Variants in ATP8B3 observed in about 807,000 individuals in gnomAD.
ATP8B3 encodes phospholipid-transporting ATPase IK.
A neutral mutation model predicts 140.9 loss-of-function variants in ATP8B3; 141 were observed. The observed-to-expected ratio is 1.00, with a 90% CI of 0.87 to 1.15. The LOEUF (loss-of-function observed/expected upper bound fraction) is 1.15. Among genes scored for constraint, ATP8B3 ranks in the 50% most tolerant of loss-of-function variants. The probability of loss-of-function intolerance (pLI) is 0.00; values close to 1 mark genes in which losing one functional copy is unlikely to be tolerated. For synonymous variants in ATP8B3, 765 were observed against 714.6 expected, an observed-to-expected ratio of 1.07 and a Z score of -1.13; for missense variants, 1,874 against 1,740.6, an observed-to-expected ratio of 1.08 and a Z score of -1.36.
intron 3 of ATP8B3, among the ~76,000 whole-genome samples, 191 bp from the exon 4 acceptor site, chr19:1,809,925 C>T (rs1184748824): frequency 2.0e-5 from 3 of 152,194 alleles, no homozygotes; most frequent in Admixed American, 1.3e-4. Flanking sequence ...CCATAGTTGG[C>T]GCCGGCACAA....
chr19:1,795,784 TACACACAC>T (rs10526864), intron 18 of ATP8B3, 83 bp downstream of exon 18: 42,517 of 886,984 alleles, frequency 0.048, 272 homozygotes, highest in South Asian at 0.058. Context: ...CTCCTGTCCC[TACACACAC>T]ACACACACAC....
chr19:1,807,226 C>T lies in ATP8B3; in HGVS notation c.557G>A (p.Ser186Asn), dbSNP rs1237590442. The stretch of plus-strand genomic sequence containing the variant: ...GAAGAGGAGGCAGACCATAGGGGTA[C>T]TGAGCGAGAACCAGGGCAGCGTGGA... ...DISTLPWFSL[S>N]TPMVCLLFIR... The change falls in exon 6 of 29, where the codon AGT becomes AAT. Residue 186 changes from serine (S) to asparagine (N), a missense_variant. Coordinates refer to ENST00000310127, the MANE Select transcript of ATP8B3 (RefSeq NM_138813.4). This position sits in a 1 kb window ranked among gnomAD's most constrained non-coding sequence, Gnocchi z 5.9. 2 of 1,612,992 alleles carry T rather than the reference C, an allele frequency of 1.2e-6. No homozygotes were observed. Among genetic ancestry groups the T allele is most frequent in the African/African-American group, 1.3e-5 (1 of 74,958 alleles).
Position 1,808,326 on chromosome 19 carries a change from T to C in ATP8B3, c.412A>G (p.Ile138Val). 6.2e-7 allele frequency: 1 copy of C among 1,612,032 alleles called. No individual in the cohort carries two copies. ...TAGAAGTTGTACTTGGCCGTGCGGATGACATTGGTCTGGAACGAGAGCCGC... is the reference window on the plus strand; with the variant it reads ...TAGAAGTTGTACTTGGCCGTGCGGACGACATTGGTCTGGAACGAGAGCCGC... ...WQRKKYKTNVIRTAKYNFYSF... is the reference protein window; with the variant it reads ...WQRKKYKTNVVRTAKYNFYSF... The change falls in exon 5 of 29, where the codon ATC (isoleucine) becomes GTC (valine). Residue 138 changes from isoleucine to valine, a missense_variant. By Grantham distance (29) the Ile-to-Val change is conservative. Coordinates refer to ENST00000310127, the MANE Select transcript of ATP8B3 (RefSeq NM_138813.4).
Position 1,808,238 on chromosome 19 carries a change from A to G in ATP8B3, c.500T>C (p.Ile167Thr). The change falls in exon 5 of 29, where the codon ATC (isoleucine) becomes ACC (threonine). Residue 167 changes from isoleucine to threonine, a missense_variant. Ile to Thr is a moderately conservative substitution (Grantham distance 89). Coordinates refer to ENST00000310127, the MANE Select transcript of ATP8B3 (RefSeq NM_138813.4). ...FHRVSNLFFL[I>T]IIILQSIPDI... ...ACGCCTCACCTGCAGGATGATGATG[A>G]TGAGGAAGAACAGGTTGGACACGCG... is the stretch of plus-strand genomic sequence containing the variant. The G allele has an allele frequency of 6.2e-7, 1 of 1,611,762 alleles. No individual in the cohort carries two copies. Among genetic ancestry groups the G allele is most frequent in the Non-Finnish European group, 8.5e-7 (1 of 1,178,618 alleles).
At chr19:1,790,694 TG>T in intron 21 of ATP8B3, 62 bp downstream of exon 21, 1 of 1,000,978 alleles carries the variant, frequency 1.0e-6, no homozygotes. Flanking sequence ...GACACGCACC[TG>T]GGTGCTCCTT....
chr19:1,785,228 C>A lies in ATP8B3; in HGVS notation c.3463G>T (p.Ala1155Ser). The A allele has an allele frequency of 1.9e-6, 3 of 1,608,144 alleles. No homozygotes were observed. The highest frequency in any genetic ancestry group is 3.4e-5 in the Admixed American group (2 of 59,020). Residue 1155 changes from alanine (A) to serine (S), a missense_variant, in exon 27 of 29, where the codon GCC becomes TCC. Ala to Ser is a moderately conservative substitution (Grantham distance 99). Coordinates refer to ENST00000310127, the MANE Select transcript of ATP8B3 (RefSeq NM_138813.4). The stretch of plus-strand genomic sequence containing the variant: ...CTCTGGGTGGTGGTAGTCATGATGG[C>A]GTAGAAACCAAGGCTGAGGAGGATG... ...ATILLSLGFY[A>S]IMTTTTQSFW...
intron 14 of ATP8B3, 92 bp downstream of exon 14, chr19:1,799,855 G>T: frequency 7.8e-7 from 1 of 1,279,288 alleles, no homozygotes; most frequent in Non-Finnish European, 1.1e-6. Context: ...GGAGGTGCTG[G>T]GCATGGGGCC....
intron 5 of ATP8B3, 31 bp downstream of exon 5, chr19:1,808,191 G>T: frequency 6.5e-7 from 1 of 1,543,704 alleles, no homozygotes; most frequent in Non-Finnish European, 8.9e-7. Flanking sequence ...GTGGCTAGGG[G>T]GGACTTCCTG....
At chr19:1,784,029 G>A (rs7247100) in intron 28 of ATP8B3, among the ~76,000 whole-genome samples, 11,975 of 152,170 alleles carry the variant, frequency 0.079, 687 homozygotes, top group African/African-American at 0.16. Context: ...GTGCATCCAC[G>A]CTGTGGCCTG....
At chr19:1,784,755 A>G in intron 28 of ATP8B3, 64 bp downstream of exon 28, 1 of 1,516,026 alleles carries the variant, frequency 6.6e-7, no homozygotes, top group Non-Finnish European at 8.8e-7. Flanking sequence ...TACGCCCTGC[A>G]CGGCTCCCCA....
In ATP8B3 at chr19:1,789,025, G is replaced by A. The variant is rs1372281910; in HGVS notation, c.2941C>T (p.Leu981Phe). 3 of 1,609,462 alleles carry A rather than the reference G, an allele frequency of 1.9e-6. No homozygotes were observed. The highest frequency in any genetic ancestry group is 1.3e-5 in the African/African-American group (1 of 74,996). The change falls in exon 24 of 29, where the codon CTC (leucine) becomes TTC (phenylalanine). Residue 981 changes from leucine (L) to phenylalanine (F), a missense_variant. This residue lies in a region of ATP8B3 where 840 missense variants were observed against 760.9 expected (regional missense o/e 1.10). Transcript: ENST00000310127. ...GACCAGCGGCCGTGCACCAGCAGGA[G>A]GCGCTGCAGGAAGCAGAACTGGCCG... ...VLGQFCFLQR[L>F]LLVHGRWSYV...
In ATP8B3 at chr19:1,792,075, T is replaced by G; in HGVS notation, c.2116A>C (p.Ile706Leu). ...TGGCGCTGCTGCCAGTCCTCGTAAA[T>G]GTCCTCAGCCACCTCCCTGTAGGCC... ...CLAYREVAEDIYEDWQQRHQE... is the reference protein window; with the variant it reads ...CLAYREVAEDLYEDWQQRHQE... Residue 706 changes from isoleucine to leucine, a missense_variant, in exon 19 of 29, where the codon ATT becomes CTT. This residue lies in a region of ATP8B3 where 1,032 missense variants were observed against 963.6 expected (regional missense o/e 1.07). Coordinates refer to ENST00000310127, the MANE Select transcript of ATP8B3 (RefSeq NM_138813.4). The G allele has an allele frequency of 6.4e-7, 1 of 1,568,506 alleles. No individual in the cohort carries two copies. Among genetic ancestry groups the G allele is most frequent in the Non-Finnish European group, 8.6e-7 (1 of 1,159,118 alleles).
In ATP8B3 at chr19:1,805,339, T is replaced by G. The variant is rs1277747668; in HGVS notation, c.904+35A>C. ...ACCCTAACTTTTAACTTTTACAGAT[T>G]CGAGGGACGTGACTCCCTGCTCAAC... On this transcript the variant is annotated intron_variant, in intron 10 of 28. Transcript: ENST00000310127. The surrounding 1 kb of genome is among the most constrained non-coding windows in gnomAD (Gnocchi z 5.2). 2.6e-6 allele frequency: 4 copies of G among 1,513,760 alleles called. No homozygotes were observed. The Admixed American group carries it at 5.9e-5, about 22-fold the overall frequency. The allele number at this position is 1,513,760 out of a possible 1,614,324, so 93.8% of individuals were successfully genotyped here. A position where few individuals can be genotyped will look rare whatever the true frequency, so the allele number is the denominator to read the frequency against.
chr19:1,803,451 G>C (rs985509048), intron 10 of ATP8B3, among the ~76,000 whole-genome samples: 1 of 152,238 alleles, frequency 6.6e-6, no homozygotes, highest in African/African-American at 2.4e-5. Flanking sequence ...CTGAACCTCA[G>C]TGTCTTCCTC....
rs775574013 is a variant in ATP8B3 at position 1,789,582 on chromosome 19, AG to A, written c.2623del (p.Leu875SerfsTer40). 6.3e-7 allele frequency: 1 copy of A among 1,593,508 alleles called. No individual in the cohort carries two copies. Among genetic ancestry groups the A allele is most frequent in the Admixed American group, 1.7e-5 (1 of 58,578 alleles). On this transcript the variant is annotated frameshift_variant, in exon 23 of 29. Transcript: ENST00000310127. LOFTEE classifies it high-confidence loss of function. ...RLSLLCRRFG[L>X]PLAAPPAQDS... ...CTGGGCTGGCGGTGCAGCCAGCGGG[AG>A]CCCGAACCTCCGGCACAGCAGGGAC...
rs1348373183 is a variant in ATP8B3 at position 1,811,904 on chromosome 19, C to A, written c.-148-20G>T. 2.7e-6 allele frequency: 2 copies of A among 751,242 alleles called. No homozygotes were observed. The highest frequency in any genetic ancestry group is 2.8e-5 in the East Asian group (1 of 35,610). 46.5% of individuals were successfully genotyped at this position (751,242 alleles called of 1,614,324 possible). On this transcript the variant is annotated intron_variant, in intron 1 of 28. Coordinates refer to ENST00000310127, the MANE Select transcript of ATP8B3 (RefSeq NM_138813.4). Reference sequence around the variant, plus strand: ...GTGTATCTGGGGGCAGAAAGAGACACGGACACAGCGCTGGCTTCCTGCCCC... The same window carrying A: ...GTGTATCTGGGGGCAGAAAGAGACAAGGACACAGCGCTGGCTTCCTGCCCC...
chr19:1,789,222 G>T, intron 23 of ATP8B3, 102 bp from the exon 24 acceptor site: 1 of 890,378 alleles, frequency 1.1e-6, no homozygotes, highest in Non-Finnish European at 1.6e-6. Context: ...CCCCCCATCT[G>T]CTTCAGGTCC....
At chr19:1,789,807 A>G in intron 22 of ATP8B3, 80 bp from the exon 23 acceptor site, 1 of 1,578,452 alleles carries the variant, frequency 6.3e-7, no homozygotes, top group Non-Finnish European at 8.6e-7. Context: ...CGGCCTCGCC[A>G]GCAGTCCCCA....
At position 1,805,754 on chromosome 19, in the gene ATP8B3, A is replaced by G. The variant is rs2068991668; in HGVS notation, c.821+134T>C. ...CAGTGCCTGGCAGCACCCACGCCCCAGACACTCATGGGGTGAGTGACCAAA... is the reference window on the plus strand; with the variant it reads ...CAGTGCCTGGCAGCACCCACGCCCCGGACACTCATGGGGTGAGTGACCAAA... On this transcript the variant is annotated intron_variant, in intron 9 of 28. Coordinates refer to ENST00000310127, the MANE Select transcript of ATP8B3 (RefSeq NM_138813.4). The surrounding 1 kb of genome is among the most constrained non-coding windows in gnomAD (Gnocchi z 5.2). 1 of 1,071,150 alleles carries G rather than the reference A, an allele frequency of 9.3e-7. No homozygotes were observed. Among genetic ancestry groups the G allele is most frequent in the Non-Finnish European group, 1.4e-6 (1 of 728,906 alleles). 66.4% of individuals were successfully genotyped at this position (1,071,150 alleles called of 1,614,324 possible). A position where few individuals can be genotyped will look rare whatever the true frequency, so the allele number is the denominator to read the frequency against.
Sources: gnomAD v4.1 joint callset for allele counts (sites outside exome capture counted in the v4.1 genomes callset) on GRCh38, gnomAD v4.1.1 for gene constraint, gnomAD v4.1.1 regional missense constraint, Gnocchi (gnomAD v3.1) non-coding constraint, MANE v1.5 for transcripts, NCBI Gene and HGNC (gene_info 2026-07-23, HGNC 2026-07-21) for gene names.